The following EPHA6 variants were observed in gnomAD, a reference collection of about 807,000 sequenced individuals.
The protein encoded by EPHA6 is EPH receptor A6.
A neutral mutation model predicts 112.0 loss-of-function variants in EPHA6; 50 were observed. The ratio of observed to expected loss-of-function variants is 0.45; its 90% CI spans 0.36 to 0.56. EPHA6 has a LOEUF of 0.56. EPHA6 is among the 20% of genes least tolerant of loss of function. The pLI, the probability that EPHA6 is intolerant of heterozygous loss-of-function variation, is 0.00. For missense variants in EPHA6, 1,280 were observed against 1,417.4 expected, an observed-to-expected ratio of 0.90 and a Z score of 1.56; for synonymous variants, 529 against 490.7, an observed-to-expected ratio of 1.08 and a Z score of -1.03.
intron 15 of EPHA6, among the ~76,000 whole-genome samples, chr3:97,728,689 C>A (rs979201447): frequency 6.6e-6 from 1 of 152,122 alleles, no homozygotes; most frequent in African/African-American, 2.4e-5. Flanking sequence ...GAGTCCAGTC[C>A]TCTTTCCTTT....
intron 14 of EPHA6, among the ~76,000 whole-genome samples, chr3:97,645,630 C>CAA: frequency 6.6e-6 from 1 of 150,584 alleles, no homozygotes; most frequent in South Asian, 2.1e-4. Context: ...CTAACCTGCA[C>CAA]GTTGTGCACA....
At chr3:97,187,657 AGAAAG>A (rs1286991765) in intron 3 of EPHA6, among the ~76,000 whole-genome samples, 5 of 138,848 alleles carry the variant, frequency 3.6e-5, no homozygotes, top group Non-Finnish European at 6.3e-5. Context: ...AGAGAAAGAA[AGAAAG>A]GAAAGAAAGA....
At chr3:97,624,428 A>C (rs1576115093) in intron 13 of EPHA6, among the ~76,000 whole-genome samples, 1 of 151,560 alleles carries the variant, frequency 6.6e-6, no homozygotes, top group East Asian at 1.9e-4. Flanking sequence ...TAATACTTTT[A>C]ACATGCTGCT....
At chr3:97,691,074 C>CT (rs1417778410) in intron 14 of EPHA6, among the ~76,000 whole-genome samples, 3 of 152,114 alleles carry the variant, frequency 2.0e-5, no homozygotes, top group Non-Finnish European at 2.9e-5. Context: ...GTTTTTAGCT[C>CT]TTACGTTTAG....
At chr3:96,942,579 C>G (rs2041028692) in intron 2 of EPHA6, among the ~76,000 whole-genome samples, 1 of 152,242 alleles carries the variant, frequency 6.6e-6, no homozygotes, top group South Asian at 2.1e-4. Flanking sequence ...GAGGCAATGC[C>G]TTGCCCTGCT....
At chr3:97,176,219 G>A (rs1021801287) in intron 3 of EPHA6, among the ~76,000 whole-genome samples, 1 of 151,520 alleles carries the variant, frequency 6.6e-6, no homozygotes, top group Non-Finnish European at 1.5e-5. Context: ...TGCATATATT[G>A]AACCACCTTT....
intron 5 of EPHA6, among the ~76,000 whole-genome samples, chr3:97,260,682 G>T (rs951279777): frequency 5.9e-5 from 9 of 152,302 alleles, no homozygotes; most frequent in African/African-American, 1.9e-4. Context: ...ACAGCCATTA[G>T]GGTAGAATAC....
intron 11 of EPHA6, among the ~76,000 whole-genome samples, chr3:97,573,019 C>T (rs1450535515): frequency 6.6e-6 from 1 of 152,184 alleles, no homozygotes; most frequent in Non-Finnish European, 1.5e-5. Context: ...TACGTCTTAA[C>T]AAAATCCATA....
At chr3:97,407,526 C>G (rs1577275891) in intron 6 of EPHA6, among the ~76,000 whole-genome samples, 1 of 151,622 alleles carries the variant, frequency 6.6e-6, no homozygotes, top group Non-Finnish European at 1.5e-5. Flanking sequence ...AGTGATATGT[C>G]AGAAAGAAAA....
At chr3:97,030,268 A>G (rs1177943367) in intron 3 of EPHA6, among the ~76,000 whole-genome samples, 1 of 152,058 alleles carries the variant, frequency 6.6e-6, no homozygotes, top group Non-Finnish European at 1.5e-5. Flanking sequence ...CACTCATCAA[A>G]TCATTTGCCA....
At chr3:97,214,124 C>T (rs971555125) in intron 3 of EPHA6, among the ~76,000 whole-genome samples, 21 of 151,548 alleles carry the variant, frequency 1.4e-4, no homozygotes, top group African/African-American at 4.8e-4. Context: ...CTGCAACCTC[C>T]GCCTCCCAGG....
At chr3:97,664,009 T>A (rs1257482926) in intron 14 of EPHA6, among the ~76,000 whole-genome samples, 1 of 152,196 alleles carries the variant, frequency 6.6e-6, no homozygotes, top group Non-Finnish European at 1.5e-5. Flanking sequence ...GTTTCCTGAC[T>A]TTTTAATGAT....
At chr3:97,572,035 C>A (rs968490508) in intron 11 of EPHA6, among the ~76,000 whole-genome samples, 2 of 151,922 alleles carry the variant, frequency 1.3e-5, no homozygotes, top group East Asian at 1.9e-4. Flanking sequence ...GTATATAATG[C>A]AAGCTATCTT....
intron 3 of EPHA6, among the ~76,000 whole-genome samples, chr3:97,155,578 C>T (rs2076270700): frequency 6.6e-6 from 1 of 152,132 alleles, no homozygotes; most frequent in African/African-American, 2.4e-5. Flanking sequence ...TGACTGACAT[C>T]ATTGTTCTGA....
intron 14 of EPHA6, among the ~76,000 whole-genome samples, chr3:97,670,582 G>T (rs1189474429): frequency 3.3e-5 from 5 of 152,172 alleles, no homozygotes; most frequent in African/African-American, 1.2e-4. Flanking sequence ...GAAGACTCTT[G>T]TATAGCTGCA....
chr3:97,357,991 C>T (rs954403915), intron 5 of EPHA6, among the ~76,000 whole-genome samples: 3 of 152,038 alleles, frequency 2.0e-5, no homozygotes, highest in East Asian at 3.9e-4. Context: ...AAGATGTGGA[C>T]GAGGTGGAAA....
intron 3 of EPHA6, among the ~76,000 whole-genome samples, chr3:97,002,051 G>A (rs940232190): frequency 5.9e-5 from 9 of 151,802 alleles, no homozygotes; most frequent in Non-Finnish European, 8.8e-5. Context: ...TCATTTCTTG[G>A]TTTTATTTCT....
At chr3:97,594,286 T>A (rs1027860017) in intron 12 of EPHA6, among the ~76,000 whole-genome samples, 1 of 152,220 alleles carries the variant, frequency 6.6e-6, no homozygotes, top group Non-Finnish European at 1.5e-5. Flanking sequence ...AGGAAGATGA[T>A]TGTTCTATAA....
At chr3:97,726,312 C>A (rs539015634) in intron 15 of EPHA6, among the ~76,000 whole-genome samples, 249 of 152,226 alleles carry the variant, frequency 1.6e-3, no homozygotes, top group Admixed American at 3.1e-3. Context: ...GGAGTCTTCA[C>A]ACCACAGTTC....
Sources: gnomAD v4.1 joint callset for allele counts (sites outside exome capture counted in the v4.1 genomes callset) on GRCh38, gnomAD v4.1.1 for gene constraint, MANE v1.5 for transcripts, NCBI Gene and HGNC (gene_info 2026-07-23, HGNC 2026-07-21) for gene names.